EQTN: variants seen among roughly 807,000 people sequenced by gnomAD.
EQTN encodes the protein equatorin.
In EQTN, 29 loss-of-function variants were observed where a neutral mutation model predicts 26.9. The ratio of observed to expected loss-of-function variants is 1.08; its 90% CI spans 0.80 to 1.47. The LOEUF (loss-of-function observed/expected upper bound fraction) is 1.47. Ranked by LOEUF, EQTN falls within the 40% of genes most tolerant of loss-of-function variation. EQTN has a pLI of 0.00. For synonymous variants in EQTN, 129 were observed against 120.0 expected (o/e 1.07, Z -0.49); for missense variants, 391 against 346.1 (o/e 1.13, Z -1.03).
chr9:27,296,616 GT>G lies in EQTN; in HGVS notation c.198del (p.Lys66AsnfsTer19). 6.6e-7 allele frequency: 1 copy of G among 1,512,550 alleles called. No homozygotes were observed. The highest frequency in any genetic ancestry group is 9.1e-7 in the Non-Finnish European group (1 of 1,095,470). The allele number at this position is 1,512,550 out of a possible 1,614,324, so 93.7% of individuals were successfully genotyped here. A position where few individuals can be genotyped will look rare whatever the true frequency, so the allele number is the denominator to read the frequency against. On this transcript the variant is annotated frameshift_variant, in exon 2 of 8. Transcript: ENST00000380032. LOFTEE classifies it high-confidence loss of function. ...EKNGNYYKDI[K>X]QYVFTTQNPN... The stretch of plus-strand genomic sequence containing the variant: ...TCTATTCACTTTAAAGACTTACATT[GT>G]TTTATATCTTTATAATAATTGCCAT...
At chr9:27,294,718 C>G (rs1406656930) in intron 2 of EQTN, among the ~76,000 whole-genome samples, 10 of 152,198 alleles carry the variant, frequency 6.6e-5, no homozygotes, top group Admixed American at 6.5e-4. Context: ...AACATTATCA[C>G]TGTTTGTATT....
At chr9:27,286,507 A>G (rs1237711028) in intron 6 of EQTN, 145 bp from the exon 7 acceptor site, 1 of 766,584 alleles carries the variant, frequency 1.3e-6, no homozygotes, top group Admixed American at 2.7e-5. Context: ...AGGCAATGCA[A>G]AGGAGAAAGC....
At chr9:27,292,916 T>C (rs756584187) in intron 3 of EQTN, among the ~76,000 whole-genome samples, 2 of 152,114 alleles carry the variant, frequency 1.3e-5, no homozygotes, top group South Asian at 2.1e-4. Flanking sequence ...TGTTTGTAAA[T>C]TGGAAACAGA....
intron 4 of EQTN, among the ~76,000 whole-genome samples, chr9:27,291,559 T>C (rs776674748): frequency 4.0e-5 from 6 of 151,828 alleles, no homozygotes; most frequent in Admixed American, 2.6e-4. Context: ...GTAACCAGAG[T>C]TGAGAGTGGA....
intron 5 of EQTN, among the ~76,000 whole-genome samples, chr9:27,290,587 C>T (rs901634620): frequency 5.3e-5 from 8 of 152,232 alleles, no homozygotes; most frequent in African/African-American, 1.9e-4. Flanking sequence ...TTTATACACA[C>T]ACGCATAGAA....
chr9:27,292,024 A>G (rs1212097072), intron 4 of EQTN: 1 of 152,764 alleles, frequency 6.5e-6, no homozygotes, highest in Non-Finnish European at 1.5e-5. Flanking sequence ...CTAACCAGAG[A>G]TAAGTTTATT....
intron 5 of EQTN, 63 bp from the exon 6 acceptor site, chr9:27,289,794 T>A: frequency 7.1e-6 from 9 of 1,259,740 alleles, no homozygotes; most frequent in Non-Finnish European, 9.1e-6. Context: ...TGCCTGTGTA[T>A]GTATGTGTAT....
At chr9:27,294,622 C>A in intron 2 of EQTN, 1 of 313,218 alleles carries the variant, frequency 3.2e-6, no homozygotes, top group Non-Finnish European at 5.8e-6. Context: ...GCCAAATGAC[C>A]CTTTCCAAGA....
chr9:27,294,712 T>C (rs768650401), intron 2 of EQTN, among the ~76,000 whole-genome samples: 5 of 152,188 alleles, frequency 3.3e-5, no homozygotes, highest in Non-Finnish European at 7.3e-5. Context: ...ATGTGCAACA[T>C]TATCACTGTT....
At chr9:27,292,553 T>C (rs762396084) in intron 3 of EQTN, 66 bp from the exon 4 acceptor site, 1 of 914,116 alleles carries the variant, frequency 1.1e-6, no homozygotes, top group Non-Finnish European at 1.7e-6. Flanking sequence ...GAATAGATAT[T>C]TTTTAATATC....
At chr9:27,285,133 CTTTTTTTTTTTTTTTTTTT>C (rs201723057) in intron 7 of EQTN, among the ~76,000 whole-genome samples, 161 bp from the exon 8 acceptor site, 3 of 77,078 alleles carry the variant, frequency 3.9e-5, no homozygotes, top group Non-Finnish European at 6.9e-5. Flanking sequence ...TTTTCTTTTC[CTTTTTTTTTTTTTTTTTTT>C]TTTTTTTTTT....
intron 2 of EQTN, among the ~76,000 whole-genome samples, chr9:27,295,557 G>C (rs1330322600): frequency 6.6e-6 from 1 of 151,922 alleles, no homozygotes; most frequent in Non-Finnish European, 1.5e-5. Context: ...ACATAGGCCG[G>C]GTGCAGTGGC....
intron 5 of EQTN, among the ~76,000 whole-genome samples, chr9:27,290,236 G>A (rs1456408914): frequency 4.6e-5 from 7 of 152,080 alleles, no homozygotes; most frequent in Admixed American, 4.6e-4. Context: ...CAAAAAACGT[G>A]GCATTAAGTG....
chr9:27,284,833 C>T lies in EQTN; in HGVS notation c.775G>A (p.Asp259Asn), dbSNP rs748710071. The change falls in exon 8 of 8, where the codon GAT becomes AAT. Residue 259 changes from aspartate (D) to asparagine (N), a missense_variant. Physicochemically the swap from Asp to Asn is conservative, Grantham distance 23. Transcript: ENST00000380032. The stretch of plus-strand genomic sequence containing the variant: ...GTTCTTGTGCCTGATCTTCTCATAT[C>T]TGAAGAAGTGGTACCCAAAAATGTG... ...SSTFLGTTSS[D>N]MRRSGTRTSE... The T allele has an allele frequency of 6.2e-6, 10 of 1,614,072 alleles. No individual in the cohort carries two copies. The highest frequency in any genetic ancestry group is 8.5e-6 in the Non-Finnish European group (10 of 1,180,018).
Position 27,296,643 on chromosome 9 carries a change from T to C in EQTN, c.172A>G (p.Asn58Asp). 2.0e-5 allele frequency: 31 copies of C among 1,568,890 alleles called. No individual in the cohort carries two copies. Among genetic ancestry groups the C allele is most frequent in the Non-Finnish European group, 2.6e-5 (30 of 1,143,418 alleles). Residue 58 changes from asparagine (N) to aspartate (D), a missense_variant, in exon 2 of 8, where the codon AAT becomes GAT. Physicochemically the swap from Asn to Asp is conservative, Grantham distance 23. Transcript: ENST00000380032. ...TTTATATCTTTATAATAATTGCCATTTTTCTCATTAGCAGGAGCATAATTG... is the reference window on the plus strand; with the variant it reads ...TTTATATCTTTATAATAATTGCCATCTTTCTCATTAGCAGGAGCATAATTG... ...TPNYAPANEKNGNYYKDIKQY... is the reference protein window; with the variant it reads ...TPNYAPANEKDGNYYKDIKQY...
chr9:27,291,254 AC>A (rs1456297970), intron 4 of EQTN, among the ~76,000 whole-genome samples, 191 bp from the exon 5 acceptor site: 1 of 152,200 alleles, frequency 6.6e-6, no homozygotes, highest in East Asian at 1.9e-4. Flanking sequence ...CAAGGAACCC[AC>A]CTTAATTTTG....
chr9:27,285,095 A>G, intron 7 of EQTN, 123 bp from the exon 8 acceptor site: 1 of 602,690 alleles, frequency 1.7e-6, no homozygotes, highest in Non-Finnish European at 2.7e-6. Context: ...TTACTTAGTA[A>G]CATTATGTGA....
intron 5 of EQTN, 61 bp downstream of exon 5, chr9:27,290,958 C>A: frequency 6.8e-7 from 1 of 1,471,012 alleles, no homozygotes; most frequent in Admixed American, 1.9e-5. Context: ...CTGATCTTAG[C>A]TCTAAGTAAG....
intron 3 of EQTN, among the ~76,000 whole-genome samples, chr9:27,293,422 C>G (rs1389506208): frequency 6.6e-6 from 1 of 152,166 alleles, no homozygotes; most frequent in East Asian, 1.9e-4. Context: ...AAGTTATCCG[C>G]AGATCTCCAT....
Sources: gnomAD v4.1 joint callset for allele counts (sites outside exome capture counted in the v4.1 genomes callset) on GRCh38, gnomAD v4.1.1 for gene constraint, MANE v1.5 for transcripts, NCBI Gene and HGNC (gene_info 2026-07-23, HGNC 2026-07-21) for gene names.